The following GNL1 variants were observed in gnomAD, a reference collection of about 807,000 sequenced individuals.
GNL1 encodes the protein guanine nucleotide-binding protein-like 1.
A neutral mutation model predicts 75.2 loss-of-function variants in GNL1; 21 were observed. That is an observed-to-expected ratio of 0.28 (90% CI 0.20 to 0.40). The LOEUF (loss-of-function observed/expected upper bound fraction) is 0.40, where lower values mean the gene tolerates loss of function less well. GNL1 is among the 10% of genes least tolerant of loss of function. GNL1 has a pLI of 1.00. For missense variants in GNL1, 579 were observed against 775.0 expected (o/e 0.75, Z 3.00); for synonymous variants, 287 against 303.4 (o/e 0.95, Z 0.56).
rs988330430 is a variant in GNL1 at position 30,544,170 on chromosome 6, T to C, written c.*1902A>G. 6.6e-6 allele frequency: 1 copy of C among 152,188 alleles called. No homozygotes were observed. Among genetic ancestry groups the C allele is most frequent in the Non-Finnish European group, 1.5e-5 (1 of 68,088 alleles). 9.4% of individuals were successfully genotyped at this position (152,188 alleles called of 1,614,324 possible). On this transcript the variant is annotated 3_prime_UTR_variant, in exon 12 of 12. Transcript: ENST00000376621. ...AAGTCATGGAAGAGGTTTTACAGTCTAACCCTGTGGGGGTGTCAGGAGTTG... is the reference window on the plus strand; with the variant it reads ...AAGTCATGGAAGAGGTTTTACAGTCCAACCCTGTGGGGGTGTCAGGAGTTG...
Position 30,546,637 on chromosome 6 carries a change from C to G in GNL1, c.1582+59G>C, listed in dbSNP as rs1281333284. 9.2e-6 allele frequency: 13 copies of G among 1,420,100 alleles called. No homozygotes were observed. The African/African-American group carries it at 1.6e-4, about 17-fold the overall frequency. 88.0% of individuals were successfully genotyped at this position (1,420,100 alleles called of 1,614,324 possible). On this transcript the variant is annotated intron_variant, in intron 11 of 11. Transcript: ENST00000376621. The surrounding 1 kb of genome is among the most constrained non-coding windows in gnomAD (Gnocchi z 5.1). ...TTTGACCCTCTCTCTGGCCACAAAG[C>G]CCACACCCTTTTACCTACGCTATAG...
chr6:30,546,013 C>T lies in GNL1; in HGVS notation c.*59G>A. ...CAATTGGGGTGGCAGAGGGGAGATA[C>T]CCCCAGGTCAGTCCAAAAGCAAAGA... On this transcript the variant is annotated 3_prime_UTR_variant, in exon 12 of 12. Transcript: ENST00000376621. The surrounding 1 kb of genome is among the most constrained non-coding windows in gnomAD (Gnocchi z 5.1). The T allele has an allele frequency of 1.6e-6, 2 of 1,238,262 alleles. No individual in the cohort carries two copies. Among genetic ancestry groups the T allele is most frequent in the Non-Finnish European group, 2.3e-6 (2 of 862,372 alleles). The allele number at this position is 1,238,262 out of a possible 1,614,324, so 76.7% of individuals were successfully genotyped here.
Position 30,555,650 on chromosome 6 carries a change from G to A in GNL1, c.144C>T (p.Thr48=), listed in dbSNP as rs753455995. The A allele has an allele frequency of 1.9e-6, 3 of 1,613,966 alleles. No individual in the cohort carries two copies. Among genetic ancestry groups the A allele is most frequent in the Non-Finnish European group, 2.5e-6 (3 of 1,179,924 alleles). ...TCACAGACTCCCCGTCCGAGGTGTC[G>A]GTCTGTTCCTCTCGCCGCTCCCGGC... The part of the protein sequence containing the change: ...SGSRERREEQ[T]DTSDGESVTH... The change falls in exon 2 of 12, where the codon ACC becomes ACT. Residue 48 remains threonine, a synonymous_variant. Coordinates refer to ENST00000376621, the MANE Select transcript of GNL1 (RefSeq NM_005275.5). This position sits in a 1 kb window ranked among gnomAD's most constrained non-coding sequence, Gnocchi z 4.3.
chr6:30,554,173 A>G (rs1799986359), intron 5 of GNL1, among the ~76,000 whole-genome samples: 1 of 152,230 alleles, frequency 6.6e-6, no homozygotes, highest in South Asian at 2.1e-4. Flanking sequence ...CTACAGCCTT[A>G]ACTACTACTC....
rs750058733 is a variant in GNL1 at position 30,555,155 on chromosome 6, C to T, written c.276G>A (p.Glu92=). 23 of 1,613,034 alleles carry T rather than the reference C, an allele frequency of 1.4e-5. No homozygotes were observed. Among genetic ancestry groups the T allele is most frequent in the Non-Finnish European group, 1.9e-5 (22 of 1,180,022 alleles). The change falls in exon 3 of 12, where the codon GAG becomes GAA. Residue 92 remains glutamate, a synonymous_variant. Transcript: ENST00000376621. The surrounding 1 kb of genome is among the most constrained non-coding windows in gnomAD (Gnocchi z 4.3). Reference sequence around the variant, plus strand: ...GGGCTGCTCTCTTTCTCCTCTCTACCTCCTCCCTGCTGTCTCTCTCAAAAT... The same window carrying T: ...GGGCTGCTCTCTTTCTCCTCTCTACTTCCTCCCTGCTGTCTCTCTCAAAAT... ...RLHFERDSRE[E]VERRKRAARE... is the part of the protein sequence containing the mutation.
Position 30,555,747 on chromosome 6 carries a change from T to C in GNL1, c.74-27A>G, listed in dbSNP as rs751898860. On this transcript the variant is annotated intron_variant, in intron 1 of 11. Transcript: ENST00000376621. The surrounding 1 kb of genome is among the most constrained non-coding windows in gnomAD (Gnocchi z 4.3). ...TGCGGGGAGGGGCCGGTGACGCCAGTGCTGGCCAGCTCTCAGGGGCCATAA... is the reference window on the plus strand; with the variant it reads ...TGCGGGGAGGGGCCGGTGACGCCAGCGCTGGCCAGCTCTCAGGGGCCATAA... 1.2e-6 allele frequency: 2 copies of C among 1,610,102 alleles called. No individual in the cohort carries two copies. The highest frequency in any genetic ancestry group is 2.7e-5 in the African/African-American group (2 of 74,902).
Position 30,544,430 on chromosome 6 carries a change from G to A in GNL1, c.*1642C>T, listed in dbSNP as rs1198831713. 1 of 152,220 alleles carries A rather than the reference G, an allele frequency of 6.6e-6. No homozygotes were observed. The highest frequency in any genetic ancestry group is 1.5e-5 in the Non-Finnish European group (1 of 68,054). 9.4% of individuals were successfully genotyped at this position (152,220 alleles called of 1,614,324 possible). On this transcript the variant is annotated 3_prime_UTR_variant, in exon 12 of 12. Transcript: ENST00000376621. Reference sequence around the variant, plus strand: ...CAATGTCCTCACCCCACCTCCTGCAGCGGAGAAGTCCCCTGAGCATCTCTG... The same window carrying A: ...CAATGTCCTCACCCCACCTCCTGCAACGGAGAAGTCCCCTGAGCATCTCTG...
rs1267187805 is a variant in GNL1, at chr6:30,542,244, C to G, written c.*3828G>C. ...GCCCCTCTCGTTGCTGGTGGATACT[C>G]GTTCATTTTCCCCGCCACCACCCAT... On this transcript the variant is annotated 3_prime_UTR_variant, in exon 12 of 12. Transcript: ENST00000376621. This position sits in a 1 kb window ranked among gnomAD's most constrained non-coding sequence, Gnocchi z 4.5. 6.6e-6 allele frequency: 1 copy of G among 152,056 alleles called. No homozygotes were observed. Among genetic ancestry groups the G allele is most frequent in the African/African-American group, 2.4e-5 (1 of 41,340 alleles). The allele number at this position is 152,056 out of a possible 1,614,324, so 9.4% of individuals were successfully genotyped here.
rs1293301191 is a variant in GNL1 at position 30,552,543 on chromosome 6, C to T, written c.1023G>A (p.Gln341=). The change falls in exon 8 of 12, where the codon CAG becomes CAA. Residue 341 remains glutamine (Q), a synonymous_variant. Transcript: ENST00000376621. The surrounding 1 kb of genome is among the most constrained non-coding windows in gnomAD (Gnocchi z 4.5). ...CAGTTGGCTCCATTGCTGAATCAGTCTGCTGCTCCACCAGGACTGCTGGGC... is the reference window on the plus strand; with the variant it reads ...CAGTTGGCTCCATTGCTGAATCAGTTTGCTGCTCCACCAGGACTGCTGGGC... ...EDGPAVLVEQ[Q]TDSAMEPTGP... 8.7e-6 allele frequency: 14 copies of T among 1,614,052 alleles called. No homozygotes were observed. The African/African-American group carries it at 1.6e-4, about 18-fold the overall frequency.
chr6:30,552,291 T>C lies in GNL1; in HGVS notation c.1099+176A>G. The C allele has an allele frequency of 3.8e-6, 2 of 530,980 alleles. No homozygotes were observed. The highest frequency in any genetic ancestry group is 6.7e-6 in the Non-Finnish European group (2 of 297,274). The allele number at this position is 530,980 out of a possible 1,614,324, so 32.9% of individuals were successfully genotyped here. On this transcript the variant is annotated intron_variant, in intron 8 of 11. Transcript: ENST00000376621. The surrounding 1 kb of genome is among the most constrained non-coding windows in gnomAD (Gnocchi z 4.5). ...AGAAGAGGTGGAATTTAACTCAGGC[T>C]GTCATGATCCTTCCACTGCAGCAGA... is the stretch of plus-strand genomic sequence containing the variant.
At position 30,547,833 on chromosome 6, in the gene GNL1, G is replaced by C. The variant is rs1176131143; in HGVS notation, c.1100-303C>G. ...ATACAACTTGTGTGGGTCAGTGCCTGCAGTACAGTAAGTACCCAGTACCAG... is the reference window on the plus strand; with the variant it reads ...ATACAACTTGTGTGGGTCAGTGCCTCCAGTACAGTAAGTACCCAGTACCAG... On this transcript the variant is annotated intron_variant, in intron 8 of 11. Transcript: ENST00000376621. This position sits in a 1 kb window ranked among gnomAD's most constrained non-coding sequence, Gnocchi z 5.5. 4 of 458,418 alleles carry C rather than the reference G, an allele frequency of 8.7e-6. No homozygotes were observed. The highest frequency in any genetic ancestry group is 8.4e-5 in the Admixed American group (2 of 23,748). The allele number at this position is 458,418 out of a possible 1,614,324, so 28.4% of individuals were successfully genotyped here.
rs1260427314 is a variant in GNL1 at position 30,553,422 on chromosome 6, A to G, written c.736T>C (p.Tyr246His). 6.2e-7 allele frequency: 1 copy of G among 1,612,810 alleles called. No homozygotes were observed. Among genetic ancestry groups the G allele is most frequent in the Non-Finnish European group, 8.5e-7 (1 of 1,179,996 alleles). ...VAWKHYFHQHYPQLHVVLFTS... is the reference protein window; with the variant it reads ...VAWKHYFHQHHPQLHVVLFTS... ...AAAAGGACGACGTGGAGCTGGGGAT[A>G]GTGTTGATGGAAATAATGCTTCCAG... Residue 246 changes from tyrosine to histidine, a missense_variant, in exon 6 of 12, where the codon TAT becomes CAT. Physicochemically the swap from Tyr to His is moderately conservative, Grantham distance 83 (BLOSUM62 2). Coordinates refer to ENST00000376621, the MANE Select transcript of GNL1 (RefSeq NM_005275.5).
At position 30,547,908 on chromosome 6, in the gene GNL1, G is replaced by A. The variant is rs1262321332; in HGVS notation, c.1100-378C>T. The A allele has an allele frequency of 8.8e-6, 2 of 228,280 alleles. No individual in the cohort carries two copies. Among genetic ancestry groups the A allele is most frequent in the African/African-American group, 2.3e-5 (1 of 43,156 alleles). The allele number at this position is 228,280 out of a possible 1,614,324, so 14.1% of individuals were successfully genotyped here. A position where few individuals can be genotyped will look rare whatever the true frequency, so the allele number is the denominator to read the frequency against. ...GACTTGGCCTGGCACAGTGGCTCAC[G>A]CTTGTAATCCCAGCGTGATTACTTT... On this transcript the variant is annotated intron_variant, in intron 8 of 11. Coordinates refer to ENST00000376621, the MANE Select transcript of GNL1 (RefSeq NM_005275.5). The surrounding 1 kb of genome is among the most constrained non-coding windows in gnomAD (Gnocchi z 5.5).
rs757283303 is a variant in GNL1, at chr6:30,555,684, C to T, written c.110G>A (p.Arg37His). 5 of 1,613,594 alleles carry T rather than the reference C, an allele frequency of 3.1e-6. No homozygotes were observed. The African/African-American group carries it at 6.7e-5, about 22-fold the overall frequency. ...QDGLRSSSNSRSGSRERREEQ... is the reference protein window; with the variant it reads ...QDGLRSSSNSHSGSRERREEQ... ...CTCTCGCCGCTCCCGGCTCCCGCTG[C>T]GGCTGTTGGAACTGGAGCGCAGCCC... Residue 37 changes from arginine (R) to histidine (H), a missense_variant, in exon 2 of 12, where the codon CGC (arginine) becomes CAC (histidine). Coordinates refer to ENST00000376621, the MANE Select transcript of GNL1 (RefSeq NM_005275.5). The surrounding 1 kb of genome is among the most constrained non-coding windows in gnomAD (Gnocchi z 4.3).
In GNL1 at chr6:30,545,948, C is replaced by A. The variant is rs1445488497; in HGVS notation, c.*124G>T. On this transcript the variant is annotated 3_prime_UTR_variant, in exon 12 of 12. Coordinates refer to ENST00000376621, the MANE Select transcript of GNL1 (RefSeq NM_005275.5). ...TGGAACAGCCGCTCTCACCTCAGTT[C>A]ATCTGGGGAAGGGGCTACAAAGCAA... 7.0e-6 allele frequency: 5 copies of A among 715,832 alleles called. No individual in the cohort carries two copies. In the Admixed American group the frequency reaches 1.5e-4, roughly 21 times the overall value. The allele number at this position is 715,832 out of a possible 1,614,324, so 44.3% of individuals were successfully genotyped here.
At position 30,543,626 on chromosome 6, in the gene GNL1, TGA is replaced by T; in HGVS notation, c.*2444_*2445del. On this transcript the variant is annotated 3_prime_UTR_variant, in exon 12 of 12. Transcript: ENST00000376621. The stretch of plus-strand genomic sequence containing the variant: ...TATTCTATTCCTACCCTCTATTGCT[TGA>T]GAGTAGGATATTGCCTTATTCAATT... 6.6e-6 allele frequency: 1 copy of T among 152,296 alleles called. No homozygotes were observed. 9.4% of individuals were successfully genotyped at this position (152,296 alleles called of 1,614,324 possible).
Position 30,546,138 on chromosome 6 carries a change from G to C in GNL1, c.1758C>G (p.Thr586=). The change falls in exon 12 of 12, where the codon ACC becomes ACG. Residue 586 remains threonine, a synonymous_variant. Transcript: ENST00000376621. This position sits in a 1 kb window ranked among gnomAD's most constrained non-coding sequence, Gnocchi z 5.1. ...EEGEGDEETP[T]SAPGSSLAGR... The stretch of plus-strand genomic sequence containing the variant: ...CAGCCAGGCTGGACCCTGGAGCCGA[G>C]GTTGGGGTCTCCTCATCCCCTTCTC... The C allele has an allele frequency of 2.5e-6, 4 of 1,570,910 alleles. No homozygotes were observed. The highest frequency in any genetic ancestry group is 3.5e-6 in the Non-Finnish European group (4 of 1,157,808).
In GNL1 at chr6:30,545,701, T is replaced by A; in HGVS notation, c.*371A>T. The A allele has an allele frequency of 3.9e-6, 1 of 258,790 alleles. No individual in the cohort carries two copies. Among genetic ancestry groups the A allele is most frequent in the Non-Finnish European group, 7.3e-6 (1 of 136,220 alleles). 16.0% of individuals were successfully genotyped at this position (258,790 alleles called of 1,614,324 possible). ...GGCAGGGGGCACACAGGGCTGCTGC[T>A]CAAATCGGAGAATGGCACAAACTCC... On this transcript the variant is annotated 3_prime_UTR_variant, in exon 12 of 12. Coordinates refer to ENST00000376621, the MANE Select transcript of GNL1 (RefSeq NM_005275.5).
chr6:30,547,539 G>T lies in GNL1; in HGVS notation c.1100-9C>A. On this transcript the variant is annotated splice_polypyrimidine_tract_variant and intron_variant, in intron 8 of 11. Transcript: ENST00000376621. The surrounding 1 kb of genome is among the most constrained non-coding windows in gnomAD (Gnocchi z 5.5). ...TCCCACATTAGGGAAACCTGAGGAAGGCAAGGAAAATTAACGTTTAACAGG... is the reference window on the plus strand; with the variant it reads ...TCCCACATTAGGGAAACCTGAGGAATGCAAGGAAAATTAACGTTTAACAGG... 1 of 1,612,682 alleles carries T rather than the reference G, an allele frequency of 6.2e-7. No individual in the cohort carries two copies. Among genetic ancestry groups the T allele is most frequent in the South Asian group, 1.1e-5 (1 of 90,914 alleles).
Sources: gnomAD v4.1 joint callset for allele counts (sites outside exome capture counted in the v4.1 genomes callset) on GRCh38, gnomAD v4.1.1 for gene constraint, Gnocchi (gnomAD v3.1) non-coding constraint, MANE v1.5 for transcripts, NCBI Gene and HGNC (gene_info 2026-07-23, HGNC 2026-07-21) for gene names.